ANKS1B: variants seen among roughly 807,000 people sequenced by gnomAD.
ANKS1B encodes ankyrin repeat and sterile alpha motif domain containing 1B, also known as ankyrin repeat and sterile alpha motif domain-containing protein 1B.
ANKS1B carries 36 observed loss-of-function variants against 148.3 expected under a neutral mutation model. The ratio of observed to expected loss-of-function variants is 0.24; its 90% CI spans 0.19 to 0.32. The LOEUF is 0.32. Ranked by LOEUF, ANKS1B falls within the 10% of genes least tolerant of loss-of-function variation. The pLI is 1.00. For missense variants in ANKS1B, 1,157 were observed against 1,542.6 expected (o/e 0.75, Z 4.19); for synonymous variants, 542 against 560.8 (o/e 0.97, Z 0.47).
At chr12:99,520,350 C>G (rs931105889) in intron 9 of ANKS1B, among the ~76,000 whole-genome samples, 13 of 152,150 alleles carry the variant, frequency 8.5e-5, no homozygotes, top group Admixed American at 2.6e-4. Context: ...ATATACTATT[C>G]CTGGGTAAAA....
chr12:99,057,005 C>G (rs1599132022), intron 16 of ANKS1B, among the ~76,000 whole-genome samples: 1 of 152,188 alleles, frequency 6.6e-6, no homozygotes, highest in Non-Finnish European at 1.5e-5. Flanking sequence ...ACTGCCCAAG[C>G]AGAAGCTTGG....
intron 8 of ANKS1B, among the ~76,000 whole-genome samples, chr12:99,765,445 T>A (rs893547104): frequency 6.6e-6 from 1 of 152,182 alleles, no homozygotes; most frequent in Non-Finnish European, 1.5e-5. Flanking sequence ...CTCTCTGACA[T>A]TAAATCTCCC....
At chr12:99,141,842 C>T (rs12812854) in intron 15 of ANKS1B, among the ~76,000 whole-genome samples, 8 of 151,950 alleles carry the variant, frequency 5.3e-5, no homozygotes, top group Admixed American at 6.6e-5. Flanking sequence ...ATAGGCATTT[C>T]GGTTGATTCT....
At chr12:99,225,333 C>A (rs926459736) in intron 14 of ANKS1B, among the ~76,000 whole-genome samples, 1 of 151,950 alleles carries the variant, frequency 6.6e-6, no homozygotes, top group Non-Finnish European at 1.5e-5. Context: ...AGTTCTATAG[C>A]CCACTTTTGT....
At chr12:99,795,365 T>C (rs1055802797) in intron 4 of ANKS1B, among the ~76,000 whole-genome samples, 1 of 151,894 alleles carries the variant, frequency 6.6e-6, no homozygotes, top group Non-Finnish European at 1.5e-5. Context: ...GTATAATACC[T>C]TCATGTGACA....
At chr12:99,792,134 G>A (rs1386322952) in intron 4 of ANKS1B, among the ~76,000 whole-genome samples, 1 of 151,652 alleles carries the variant, frequency 6.6e-6, no homozygotes, top group African/African-American at 2.4e-5. Flanking sequence ...CCAATAAATG[G>A]AAAAATCTAG....
intron 12 of ANKS1B, among the ~76,000 whole-genome samples, chr12:99,328,168 A>G (rs1360277522): frequency 6.6e-6 from 1 of 152,018 alleles, no homozygotes; most frequent in Non-Finnish European, 1.5e-5. Context: ...AAAATCTCTG[A>G]GAAACAGCAA....
intron 1 of ANKS1B, among the ~76,000 whole-genome samples, chr12:99,928,603 G>A (rs1162243619): frequency 1.3e-5 from 2 of 152,268 alleles, no homozygotes; most frequent in Admixed American, 6.5e-5. Context: ...TAAAGCTGCT[G>A]ACAAATATTA....
chr12:99,383,843 T>A (rs1401558021), intron 12 of ANKS1B, among the ~76,000 whole-genome samples: 1 of 116,308 alleles, frequency 8.6e-6, no homozygotes, highest in Non-Finnish European at 1.7e-5. Flanking sequence ...TGAAACCCCA[T>A]CTCTACAAAA....
At position 99,785,764 on chromosome 12, in the gene ANKS1B, T is replaced by A. The variant is rs530681719; in HGVS notation, c.670-3667A>T. 2.0e-5 allele frequency among the ~76,000 whole-genome samples: 3 copies of A among 152,268 alleles called. No homozygotes were observed. In the East Asian group the frequency reaches 5.8e-4, roughly 29 times the overall value. On this transcript the variant is annotated intron_variant, in intron 4 of 26. Coordinates refer to ENST00000683438, the MANE Select transcript of ANKS1B (RefSeq NM_001352186.2). ...CTTTAATAAAAGTCTATTATATAATTAACCCAATCTAAAGTAGATAAGTAC... is the reference window on the plus strand; with the variant it reads ...CTTTAATAAAAGTCTATTATATAATAAACCCAATCTAAAGTAGATAAGTAC...
At chr12:99,173,242 T>C (rs2077991631) in intron 14 of ANKS1B, among the ~76,000 whole-genome samples, 1 of 152,220 alleles carries the variant, frequency 6.6e-6, no homozygotes, top group Non-Finnish European at 1.5e-5. Context: ...ACCTTCTTGA[T>C]AAAGTCAACT....
At chr12:99,281,282 C>T (rs1440291117) in intron 12 of ANKS1B, among the ~76,000 whole-genome samples, 1 of 152,120 alleles carries the variant, frequency 6.6e-6, no homozygotes, top group Admixed American at 6.6e-5. Context: ...TTATTACATG[C>T]TAGATTTTTA....
At chr12:99,892,926 T>C (rs968447300) in intron 1 of ANKS1B, among the ~76,000 whole-genome samples, 28 of 152,282 alleles carry the variant, frequency 1.8e-4, no homozygotes, top group African/African-American at 6.7e-4. Flanking sequence ...ATTAGAAGAA[T>C]CTGGATGTCC....
At chr12:99,799,644 G>A (rs539944561) in intron 4 of ANKS1B, among the ~76,000 whole-genome samples, 1 of 152,000 alleles carries the variant, frequency 6.6e-6, no homozygotes, top group African/African-American at 2.4e-5. Flanking sequence ...TGAAAGAAAG[G>A]GAGTTGCTTG....
At chr12:99,571,971 T>A (rs1214248396) in intron 9 of ANKS1B, among the ~76,000 whole-genome samples, 1 of 152,124 alleles carries the variant, frequency 6.6e-6, no homozygotes, top group Non-Finnish European at 1.5e-5. Flanking sequence ...ATAAAACATA[T>A]GCATGTTGAG....
chr12:99,302,470 T>C (rs908068962), intron 12 of ANKS1B, among the ~76,000 whole-genome samples: 1 of 152,082 alleles, frequency 6.6e-6, no homozygotes, highest in Non-Finnish European at 1.5e-5. Context: ...TTTTTCAGAG[T>C]TGAAAAAACT....
chr12:99,061,082 G>A (rs1409858966), intron 16 of ANKS1B, among the ~76,000 whole-genome samples: 1 of 152,116 alleles, frequency 6.6e-6, no homozygotes, highest in African/African-American at 2.4e-5. Context: ...CCTTAAACTT[G>A]TCCTCTCTTC....
At chr12:99,915,454 T>G (rs2094144620) in intron 1 of ANKS1B, among the ~76,000 whole-genome samples, 1 of 152,118 alleles carries the variant, frequency 6.6e-6, no homozygotes, top group Non-Finnish European at 1.5e-5. Context: ...CAATCTCTGG[T>G]GATTCATAAT....
At chr12:99,417,617 A>G (rs1413183931) in intron 11 of ANKS1B, among the ~76,000 whole-genome samples, 2 of 152,070 alleles carry the variant, frequency 1.3e-5, no homozygotes, top group African/African-American at 4.8e-5. Flanking sequence ...ATTATGTTAA[A>G]TCTAAATATC....
Sources: allele counts gnomAD v4.1 joint callset (sites outside exome capture counted in the v4.1 genomes callset), GRCh38; gene constraint gnomAD v4.1.1; transcripts MANE v1.5; gene names NCBI Gene and HGNC (gene_info 2026-07-23, HGNC 2026-07-21).